Variants in RUNX1T1 observed in about 807,000 individuals in gnomAD.
RUNX1T1 encodes the protein RUNX1 partner transcriptional co-repressor 1.
Under a neutral mutation model 62.8 loss-of-function variants are expected in RUNX1T1, and 4 were observed. The ratio of observed to expected loss-of-function variants is 0.06; its 90% confidence interval spans 0.03 to 0.15. RUNX1T1 has a LOEUF of 0.15. Among genes scored for constraint, RUNX1T1 ranks in the 10% least tolerant of loss-of-function variants. RUNX1T1 has a pLI of 1.00. For missense variants in RUNX1T1, 508 were observed against 754.3 expected (o/e 0.67, Z 3.82); for synonymous variants, 291 against 286.0 (o/e 1.02, Z -0.18).
At chr8:92,021,841 A>G (rs1328818454) in intron 1 of RUNX1T1, among the ~76,000 whole-genome samples, 1 of 150,926 alleles carries the variant, frequency 6.6e-6, no homozygotes, top group Non-Finnish European at 1.5e-5. Context: ...AGGCTCTATC[A>G]AATACCAGCC....
chr8:92,046,174 A>G (rs1032761352), intron 1 of RUNX1T1, among the ~76,000 whole-genome samples: 3 of 152,170 alleles, frequency 2.0e-5, no homozygotes, highest in Non-Finnish European at 4.4e-5. Flanking sequence ...TTGACTTTTA[A>G]TATGTTCATG....
intron 6 of RUNX1T1, among the ~76,000 whole-genome samples, chr8:91,987,837 C>G (rs1816888898): frequency 6.6e-6 from 1 of 152,036 alleles, no homozygotes; most frequent in Admixed American, 6.6e-5. Flanking sequence ...ACTTTATATT[C>G]TACTGTATAG....
chr8:92,047,651 T>A (rs532827275), intron 1 of RUNX1T1, among the ~76,000 whole-genome samples: 2 of 151,994 alleles, frequency 1.3e-5, no homozygotes, highest in Non-Finnish European at 2.9e-5. Flanking sequence ...ATTAAATGAA[T>A]ATATGACTTA....
intron 10 of RUNX1T1, among the ~76,000 whole-genome samples, chr8:91,969,800 C>G (rs1420603799): frequency 6.6e-6 from 1 of 152,048 alleles, no homozygotes. Flanking sequence ...TGTAGTAGAC[C>G]ATTGATTTAT....
At chr8:91,960,615 A>G (rs1175783331) in intron 10 of RUNX1T1, 98 bp from the exon 12 acceptor site, 1 of 1,294,620 alleles carries the variant, frequency 7.7e-7, no homozygotes, top group Non-Finnish European at 1.1e-6. Context: ...CCTTATTTTC[A>G]AGAACTATAC....
At chr8:92,048,389 T>C (rs1379303724) in intron 1 of RUNX1T1, among the ~76,000 whole-genome samples, 1 of 152,116 alleles carries the variant, frequency 6.6e-6, no homozygotes, top group Admixed American at 6.6e-5. Context: ...CCTAAAAATA[T>C]TACAACTGGC....
At chr8:91,994,076 G>A (rs143487930) in intron 5 of RUNX1T1, among the ~76,000 whole-genome samples, 8 of 152,216 alleles carry the variant, frequency 5.3e-5, no homozygotes, top group African/African-American at 1.7e-4. Flanking sequence ...CATACTAAGA[G>A]GGATGCACTA....
intron 5 of RUNX1T1, among the ~76,000 whole-genome samples, chr8:91,992,587 C>T (rs918983806): frequency 1.4e-4 from 21 of 152,090 alleles, no homozygotes; most frequent in African/African-American, 5.1e-4. Context: ...ATACCGTATG[C>T]AATGCAATGT....
At chr8:92,046,240 A>C (rs1480528245) in intron 1 of RUNX1T1, among the ~76,000 whole-genome samples, 1 of 152,228 alleles carries the variant, frequency 6.6e-6, no homozygotes, top group African/African-American at 2.4e-5. Context: ...AGGAAAGCTG[A>C]CAAGACAAGT....
chr8:92,012,877 T>A lies in RUNX1T1; in HGVS notation c.387+1702A>T, dbSNP rs73698213. Reference sequence around the variant, plus strand: ...TTTACTGCCTATTATATGCAAGTTATAATGAATTAATGTCCTCCCCTATTT... The same window carrying A: ...TTTACTGCCTATTATATGCAAGTTAAAATGAATTAATGTCCTCCCCTATTT... On this transcript the variant is annotated intron_variant, in intron 3 of 10. Coordinates refer to ENST00000396218, the Ensembl canonical transcript of RUNX1T1. Among the ~76,000 whole-genome samples, 1,489 of 152,284 alleles carry A rather than the reference T, an allele frequency of 9.8e-3. 19 individuals are homozygous for A. Among genetic ancestry groups the A allele is most frequent in the African/African-American group, 0.034 (1,419 of 41,558 alleles).
At chr8:92,009,052 T>C (rs147460820) in intron 4 of RUNX1T1, among the ~76,000 whole-genome samples, 1 of 152,188 alleles carries the variant, frequency 6.6e-6, no homozygotes, top group African/African-American at 2.4e-5. Context: ...ATGGGAAACA[T>C]GCATGCCTCC....
downstream of RUNX1T1, chr8:91,955,235 C>T (rs1329029109): frequency 1.8e-5 from 4 of 220,334 alleles, no homozygotes; most frequent in Non-Finnish European, 3.6e-5. Context: ...TGAATGAAAA[C>T]GTCACAGAGG....
At chr8:92,103,118 A>C, upstream of RUNX1T1, 1 of 402,174 alleles carries the variant, frequency 2.5e-6, no homozygotes. Context: ...CGCCAGCCAA[A>C]CGCAACCTCC....
chr8:92,034,199 T>C (rs568210852), intron 1 of RUNX1T1, among the ~76,000 whole-genome samples: 51 of 152,234 alleles, frequency 3.4e-4, no homozygotes, highest in Admixed American at 8.5e-4. Context: ...AGCATCAATG[T>C]TCACTGAATA....
rs187349196 is a variant in RUNX1T1, at chr8:91,996,243, C to T, written c.660-4354G>A. 2.9e-4 allele frequency among the ~76,000 whole-genome samples: 44 copies of T among 151,780 alleles called. 1 individual carries two copies. In the East Asian group the frequency reaches 8.3e-3, roughly 29 times the overall value. On this transcript the variant is annotated intron_variant, in intron 5 of 10. Coordinates refer to ENST00000396218, the Ensembl canonical transcript of RUNX1T1. ...TTGAGACAGAGTCTCGCTCTGTCGCCCAGCCTGGAGTGCAGTGGTGCAATC... is the reference window on the plus strand; with the variant it reads ...TTGAGACAGAGTCTCGCTCTGTCGCTCAGCCTGGAGTGCAGTGGTGCAATC...
intron 1 of RUNX1T1, among the ~76,000 whole-genome samples, chr8:92,097,391 A>T (rs1837832125): frequency 1.3e-5 from 2 of 152,182 alleles, no homozygotes. Flanking sequence ...CTCTCATAAA[A>T]GGTCACCTTT....
intron 1 of RUNX1T1, among the ~76,000 whole-genome samples, chr8:92,026,890 G>T (rs1476032931): frequency 6.6e-6 from 1 of 151,186 alleles, no homozygotes; most frequent in Non-Finnish European, 1.5e-5. Context: ...GGCCGAGACG[G>T]GCGGATCACG....
chr8:92,008,957 T>A (rs1371797616), intron 4 of RUNX1T1, among the ~76,000 whole-genome samples: 1 of 152,200 alleles, frequency 6.6e-6, no homozygotes, highest in Non-Finnish European at 1.5e-5. Flanking sequence ...CTGAAGAAGT[T>A]TTCTTTAGAA....
At chr8:92,006,299 A>C (rs1820761794) in intron 4 of RUNX1T1, 1 of 152,128 alleles carries the variant, frequency 6.6e-6, no homozygotes, top group Non-Finnish European at 1.5e-5. Flanking sequence ...GCAGTAAGGG[A>C]GAGGAAAGGA....
Sources: allele counts gnomAD v4.1 joint callset (sites outside exome capture counted in the v4.1 genomes callset), GRCh38; gene constraint gnomAD v4.1.1; transcripts MANE v1.5; gene names NCBI Gene and HGNC (gene_info 2026-07-23, HGNC 2026-07-21).